The following CSF2 variants were observed in gnomAD, a reference collection of about 807,000 sequenced individuals.
CSF2 encodes colony stimulating factor 2.
CSF2 carries 2 observed loss-of-function variants against 13.5 expected under a neutral mutation model. The observed-to-expected ratio is 0.15, with a 90% CI of 0.06 to 0.47. The LOEUF is 0.47. Ranked by LOEUF, CSF2 falls within the 20% of genes least tolerant of loss-of-function variation. The probability of loss-of-function intolerance (pLI) is 0.97; values close to 1 mark genes in which losing one functional copy is unlikely to be tolerated. For synonymous variants in CSF2, 66 were observed against 69.2 expected (o/e 0.95, Z 0.23); for missense variants, 141 against 179.7 (o/e 0.78, Z 1.23).
At chr5:132,075,032 C>T in intron 3 of CSF2, 97 bp downstream of exon 3, 1 of 1,578,674 alleles carries the variant, frequency 6.3e-7, no homozygotes, top group Non-Finnish European at 8.7e-7. Flanking sequence ...TTCAGGACCC[C>T]AGGGGGTTTC....
rs761270332 is a variant in CSF2, at chr5:132,074,016, A to T, written c.159+34A>T. On this transcript the variant is annotated intron_variant, in intron 1 of 3. Transcript: ENST00000296871. ...GAGAATGTGGGCCTGTGCCTAGGCC[A>T]CCCAGCTGGCCCCTGACTGGCCACG... The T allele has an allele frequency of 1.4e-5, 22 of 1,613,590 alleles. 1 individual carries two copies. The South Asian group carries it at 2.4e-4, about 18-fold the overall frequency.
At chr5:132,074,192 T>A in intron 2 of CSF2, 70 bp downstream of exon 2, 1 of 1,534,506 alleles carries the variant, frequency 6.5e-7, no homozygotes, top group Admixed American at 1.7e-5. Flanking sequence ...GACTCCATTT[T>A]AGATGGCACC....
chr5:132,075,546 C>T (rs536155560), intron 3 of CSF2, among the ~76,000 whole-genome samples, 199 bp from the exon 4 acceptor site: 2 of 152,190 alleles, frequency 1.3e-5, no homozygotes, highest in Non-Finnish European at 2.9e-5. Context: ...ACTCTGGCTG[C>T]CACTGGCAGA....
chr5:132,074,696 C>T, intron 2 of CSF2, 114 bp from the exon 3 acceptor site: 3 of 1,547,182 alleles, frequency 1.9e-6, no homozygotes, highest in Non-Finnish European at 2.7e-6. Context: ...GCCTGTGCCC[C>T]TCCCAAGCCC....
Position 132,073,943 on chromosome 5 carries a change from G to A in CSF2, c.120G>A (p.Arg40=), listed in dbSNP as rs530587752. 6 of 1,613,454 alleles carry A rather than the reference G, an allele frequency of 3.7e-6. No homozygotes were observed. The Admixed American group carries it at 1.0e-4, about 27-fold the overall frequency. The part of the protein sequence containing the change: ...WEHVNAIQEA[R]RLLNLSRDTA... ...ATGTGAATGCCATCCAGGAGGCCCG[G>A]CGTCTCCTGAACCTGAGTAGAGACA... Residue 40 remains arginine (R), a synonymous_variant, in exon 1 of 4, where the codon CGG becomes CGA. Coordinates refer to ENST00000296871, the MANE Select transcript of CSF2 (RefSeq NM_000758.4).
intron 3 of CSF2, 30 bp downstream of exon 3, chr5:132,074,965 G>T (rs1260658051): frequency 1.2e-6 from 2 of 1,612,770 alleles, no homozygotes; most frequent in East Asian, 4.5e-5. Flanking sequence ...CCTCCAGCAG[G>T]AATGTCTTAA....
chr5:132,074,033 C>A, intron 1 of CSF2, 48 bp from the exon 2 acceptor site: 1 of 1,613,734 alleles, frequency 6.2e-7, no homozygotes, highest in Non-Finnish European at 8.5e-7. Context: ...TGGCCCCTGA[C>A]TGGCCACGCC....
intron 2 of CSF2, 138 bp from the exon 3 acceptor site, chr5:132,074,672 T>A (rs570728576): frequency 7.2e-7 from 1 of 1,382,436 alleles, no homozygotes; most frequent in Admixed American, 1.7e-5. Context: ...GGGCAGGGTC[T>A]ATGACTGGAC....
chr5:132,073,795 CAGAG>C lies in CSF2; in HGVS notation c.-25_-22del. ...CTCTTTTGCCAGTGAGCCCAGTACA[CAGAG>C]AGAAAGGCTAAAGTTCTCTGGAGGA... On this transcript the variant is annotated 5_prime_UTR_variant, in exon 1 of 4. Coordinates refer to ENST00000296871, the MANE Select transcript of CSF2 (RefSeq NM_000758.4). 1.2e-6 allele frequency: 2 copies of C among 1,611,352 alleles called. No homozygotes were observed. Among genetic ancestry groups the C allele is most frequent in the South Asian group, 2.2e-5 (2 of 91,010 alleles).
At chr5:132,075,006 T>A (rs935845665) in intron 3 of CSF2, 71 bp downstream of exon 3, 21 of 1,608,248 alleles carry the variant, frequency 1.3e-5, no homozygotes, top group Non-Finnish European at 1.8e-5. Context: ...TGGGGAGAGA[T>A]CTATGGCTGT....
Position 132,075,395 on chromosome 5 carries a change from G to A in CSF2, c.328-350G>A, listed in dbSNP as rs565416837. Among the ~76,000 whole-genome samples, 5 of 152,394 alleles carry A rather than the reference G, an allele frequency of 3.3e-5. No individual in the cohort carries two copies. The South Asian group carries it at 1.0e-3, about 32-fold the overall frequency. On this transcript the variant is annotated intron_variant, in intron 3 of 3. Coordinates refer to ENST00000296871, the MANE Select transcript of CSF2 (RefSeq NM_000758.4). ...CTCCTTCCTGCGGGAAGGGAGCAAA[G>A]TTTGTGGCCTTGACTCCACTCCTTC...
rs1427123296 is a variant in CSF2, at chr5:132,074,901, C to T, written c.293C>T (p.Ala98Val). The T allele has an allele frequency of 1.9e-6, 3 of 1,613,586 alleles. No individual in the cohort carries two copies. Among genetic ancestry groups the T allele is most frequent in the Middle Eastern group, 1.7e-4 (1 of 6,044 alleles). Residue 98 changes from alanine to valine, a missense_variant, in exon 3 of 4, where the codon GCC becomes GTC. Physicochemically the swap from Ala to Val is moderately conservative, Grantham distance 64 (BLOSUM62 0). Transcript: ENST00000296871. The stretch of plus-strand genomic sequence containing the variant: ...CTCAAGGGCCCCTTGACCATGATGG[C>T]CAGCCACTACAAGCAGCACTGCCCT... ...TKLKGPLTMM[A>V]SHYKQHCPPT...
At chr5:132,074,290 C>T (rs1756672470) in intron 2 of CSF2, among the ~76,000 whole-genome samples, 168 bp downstream of exon 2, 1 of 152,166 alleles carries the variant, frequency 6.6e-6, no homozygotes, top group Non-Finnish European at 1.5e-5. Context: ...TGGCCGTGCC[C>T]CTATGGCAGT....
In CSF2 at chr5:132,074,954, G is replaced by T; in HGVS notation, c.327+19G>T. On this transcript the variant is annotated intron_variant, in intron 3 of 3. Coordinates refer to ENST00000296871, the MANE Select transcript of CSF2 (RefSeq NM_000758.4). ...AACCCCGGTGAGTGCCTACGGCAGG[G>T]CCTCCAGCAGGAATGTCTTAATCTA... 1 of 1,613,048 alleles carries T rather than the reference G, an allele frequency of 6.2e-7. No homozygotes were observed. The highest frequency in any genetic ancestry group is 8.5e-7 in the Non-Finnish European group (1 of 1,180,014).
intron 2 of CSF2, among the ~76,000 whole-genome samples, chr5:132,074,378 G>T (rs1421826132): frequency 6.6e-6 from 1 of 152,212 alleles, no homozygotes; most frequent in Non-Finnish European, 1.5e-5. Flanking sequence ...GGGGACAGGT[G>T]GTAAAGTGGG....
rs1169516851 is a variant in CSF2, at chr5:132,074,128, A to C, written c.201+6A>C. 3 of 1,613,964 alleles carry C rather than the reference A, an allele frequency of 1.9e-6. No individual in the cohort carries two copies. The East Asian group carries it at 6.7e-5, about 36-fold the overall frequency. Reference sequence around the variant, plus strand: ...CAGAAATGTTTGACCTCCAGGTAAGATGCTTCTCTCTGACATAGCTTTCCA... The same window carrying C: ...CAGAAATGTTTGACCTCCAGGTAAGCTGCTTCTCTCTGACATAGCTTTCCA... On this transcript the variant is annotated splice_donor_region_variant and intron_variant, in intron 2 of 3. Transcript: ENST00000296871.
At chr5:132,074,777 C>G in intron 2 of CSF2, 33 bp from the exon 3 acceptor site, 1 of 1,613,766 alleles carries the variant, frequency 6.2e-7, no homozygotes, top group African/African-American at 1.3e-5. Context: ...GGGCACTTGG[C>G]CACTGCTCAC....
rs996935290 is a variant in CSF2, at chr5:132,075,940, C to A, written c.*88C>A. 3 of 1,107,186 alleles carry A rather than the reference C, an allele frequency of 2.7e-6. No individual in the cohort carries two copies. The highest frequency in any genetic ancestry group is 4.1e-6 in the Non-Finnish European group (3 of 733,748). 68.6% of individuals were successfully genotyped at this position (1,107,186 alleles called of 1,614,324 possible). ...CTCAGGATGGTCATCTTGGAGGGAC[C>A]AAGGGGTGGGCCACAGCCATGGTGG... On this transcript the variant is annotated 3_prime_UTR_variant, in exon 4 of 4. Coordinates refer to ENST00000296871, the MANE Select transcript of CSF2 (RefSeq NM_000758.4).
intron 2 of CSF2, 142 bp downstream of exon 2, chr5:132,074,264 G>T: frequency 2.1e-6 from 2 of 946,872 alleles, no homozygotes; most frequent in South Asian, 1.4e-5. Context: ...TAGCAACTGG[G>T]TGCTCAAGAG....
Sources: allele counts gnomAD v4.1 joint callset (sites outside exome capture counted in the v4.1 genomes callset), GRCh38; gene constraint gnomAD v4.1.1; transcripts MANE v1.5; gene names NCBI Gene and HGNC (gene_info 2026-07-23, HGNC 2026-07-21).